Variants in TMEM50B observed in about 807,000 individuals in gnomAD.
TMEM50B encodes the protein transmembrane protein 50B, also known as HCV p7-trans-regulated protein 3.
TMEM50B carries 14 observed loss-of-function variants against 23.4 expected under a neutral mutation model. The ratio of observed to expected loss-of-function variants is 0.60; its 90% CI spans 0.39 to 0.93. The LOEUF (loss-of-function observed/expected upper bound fraction) is 0.93, where lower values mean the gene tolerates loss of function less well. Ranked by LOEUF, TMEM50B falls within the 40% of genes least tolerant of loss-of-function variation. The pLI is 0.00. For missense variants in TMEM50B, 159 were observed against 193.0 expected (o/e 0.82, Z 1.04); for synonymous variants, 64 against 62.3 (o/e 1.03, Z -0.13).
chr21:33,467,847 G>A (rs970958668), intron 2 of TMEM50B, among the ~76,000 whole-genome samples: 1 of 152,056 alleles, frequency 6.6e-6, no homozygotes, highest in African/African-American at 2.4e-5. Flanking sequence ...CATTGAAAGA[G>A]ATGAATTTTT....
chr21:33,441,797 T>C (rs2084010963), intron 7 of TMEM50B, among the ~76,000 whole-genome samples: 1 of 152,038 alleles, frequency 6.6e-6, no homozygotes, highest in South Asian at 2.1e-4. Context: ...GCCTGGCTAA[T>C]TTTTTGTATT....
intron 4 of TMEM50B, among the ~76,000 whole-genome samples, chr21:33,463,153 G>A (rs745490611): frequency 9.2e-5 from 14 of 152,030 alleles, no homozygotes; most frequent in East Asian, 1.9e-4. Context: ...CTAGCCAGGC[G>A]TGGTGGCAGG....
At chr21:33,445,918 AATAAATGGC>A, downstream of TMEM50B, among the ~76,000 whole-genome samples, 1 of 152,364 alleles carries the variant, frequency 6.6e-6, no homozygotes, top group Non-Finnish European at 1.5e-5. Context: ...TCAAATAGCT[AATAAATGGC>A]AGTGCCAGAA....
chr21:33,450,805 T>C lies in TMEM50B; in HGVS notation c.*13A>G, dbSNP rs1404816304. ...GAATATAACAAAAGGAAAATGTGACTTAAGAAGTGATCTCAGGTCCATAGC... is the reference window on the plus strand; with the variant it reads ...GAATATAACAAAAGGAAAATGTGACCTAAGAAGTGATCTCAGGTCCATAGC... On this transcript the variant is annotated 3_prime_UTR_variant, in exon 7 of 7. Transcript: ENST00000542230. 2 of 1,609,886 alleles carry C rather than the reference T, an allele frequency of 1.2e-6. No homozygotes were observed. The highest frequency in any genetic ancestry group is 2.2e-5 in the South Asian group (2 of 90,618).
intron 3 of TMEM50B, among the ~76,000 whole-genome samples, chr21:33,466,032 C>T (rs2471841): frequency 0.59 from 89,174 of 151,956 alleles, 28,225 homozygotes; most frequent in East Asian, 0.83. Context: ...GAGTCCACAG[C>T]AGGCAAATCA....
chr21:33,459,108 C>T (rs960261825), intron 5 of TMEM50B, among the ~76,000 whole-genome samples: 2 of 152,154 alleles, frequency 1.3e-5, no homozygotes, highest in Admixed American at 6.5e-5. Flanking sequence ...GAATAAATTG[C>T]GTTCTCTGAA....
chr21:33,434,311 C>G (rs2083921523), intron 8 of TMEM50B, among the ~76,000 whole-genome samples: 1 of 152,102 alleles, frequency 6.6e-6, no homozygotes. Flanking sequence ...CACCTGAGGT[C>G]AGGAGTTCGA....
chr21:33,452,321 A>G lies in TMEM50B; in HGVS notation c.432-1458T>C, dbSNP rs557209199. Among the ~76,000 whole-genome samples the G allele has an allele frequency of 2.0e-5, 3 of 152,326 alleles. No homozygotes were observed. The East Asian group carries it at 5.8e-4, about 29-fold the overall frequency. ...GAGAGTGGAGGGAGACCACATGGCTAGAGTTTGCCATGCAGCGTACAGACA... is the reference window on the plus strand; with the variant it reads ...GAGAGTGGAGGGAGACCACATGGCTGGAGTTTGCCATGCAGCGTACAGACA... On this transcript the variant is annotated intron_variant, in intron 6 of 6. Coordinates refer to ENST00000542230, the MANE Select transcript of TMEM50B (RefSeq NM_006134.7).
intron 1 of TMEM50B, among the ~76,000 whole-genome samples, chr21:33,476,998 A>T (rs144458459): frequency 4.3e-3 from 653 of 152,058 alleles, no homozygotes; most frequent in African/African-American, 0.011. Context: ...ACCATGCAAC[A>T]TTCTGAAAAT....
intron 8 of TMEM50B, chr21:33,437,250 G>A: frequency 2.6e-6 from 1 of 381,360 alleles, no homozygotes; most frequent in Non-Finnish European, 4.9e-6. Context: ...TTAGCAAAAT[G>A]GATATGACAC....
intron 7 of TMEM50B, among the ~76,000 whole-genome samples, chr21:33,442,750 G>A (rs1161497535): frequency 3.9e-5 from 6 of 152,030 alleles, no homozygotes; most frequent in South Asian, 4.2e-4. Context: ...GAGAAACCCC[G>A]TCTCTACTAA....
chr21:33,451,746 C>T (rs2084122660), intron 6 of TMEM50B, among the ~76,000 whole-genome samples: 1 of 152,082 alleles, frequency 6.6e-6, no homozygotes, highest in Non-Finnish European at 1.5e-5. Context: ...AAAGGGACAT[C>T]TGTGACTCAC....
downstream of TMEM50B, among the ~76,000 whole-genome samples, chr21:33,448,510 T>C (rs1601110775): frequency 6.6e-6 from 1 of 151,900 alleles, no homozygotes; most frequent in African/African-American, 2.4e-5. Flanking sequence ...ACATGGAGTC[T>C]TGCTCTGTTG....
In TMEM50B at chr21:33,468,100, T is replaced by C. The variant is rs142146468; in HGVS notation, c.99+687A>G. On this transcript the variant is annotated intron_variant, in intron 2 of 6. Coordinates refer to ENST00000542230, the MANE Select transcript of TMEM50B (RefSeq NM_006134.7). ...AAAAAAAAGTGCGGACAGAGAGTGG[T>C]TGATGGAATTATAAACCAAGATAGG... Among the ~76,000 whole-genome samples the C allele has an allele frequency of 3.9e-3, 573 of 146,726 alleles. 1 individual carries two copies. Among genetic ancestry groups the C allele is most frequent in the Admixed American group, 8.9e-3 (130 of 14,628 alleles).
chr21:33,453,810 ACATT>A, intron 6 of TMEM50B, among the ~76,000 whole-genome samples: 1 of 152,268 alleles, frequency 6.6e-6, no homozygotes, highest in African/African-American at 2.4e-5. Context: ...ACATTAAAAG[ACATT>A]CATTCTAGGC....
intron 7 of TMEM50B, among the ~76,000 whole-genome samples, chr21:33,440,340 C>A (rs528677765): frequency 6.6e-6 from 1 of 152,144 alleles, no homozygotes; most frequent in Non-Finnish European, 1.5e-5. Flanking sequence ...GTAATCCCAG[C>A]ACTTTGGGAG....
chr21:33,459,667 CAAA>C (rs34183635), intron 5 of TMEM50B, among the ~76,000 whole-genome samples: 2 of 124,026 alleles, frequency 1.6e-5, no homozygotes. Flanking sequence ...GACTCCGTCT[CAAA>C]AAAAAAAAAA....
chr21:33,468,808 T>A lies in TMEM50B; in HGVS notation c.78A>T (p.Ala26=), dbSNP rs144774691. ...IDWSERRNAV[A]SVVAGILFFT... Reference sequence around the variant, plus strand: ...TTACCAATATACCTGCGACAACAGATGCCACAGCATTTCTTCTCTCACTCC... The same window carrying A: ...TTACCAATATACCTGCGACAACAGAAGCCACAGCATTTCTTCTCTCACTCC... The change falls in exon 2 of 7, where the codon GCA becomes GCT. Residue 26 remains alanine, a synonymous_variant. Coordinates refer to ENST00000542230, the MANE Select transcript of TMEM50B (RefSeq NM_006134.7). 9.3e-5 allele frequency: 150 copies of A among 1,613,980 alleles called. No homozygotes were observed. Among genetic ancestry groups the A allele is most frequent in the Non-Finnish European group, 1.3e-4 (148 of 1,179,954 alleles).
chr21:33,448,777 C>G (rs1011396387), downstream of TMEM50B: 1 of 151,988 alleles, frequency 6.6e-6, no homozygotes, highest in African/African-American at 2.4e-5. Flanking sequence ...CATAATGACA[C>G]GTACCTGTGG....
Sources: gnomAD v4.1 joint callset for allele counts (sites outside exome capture counted in the v4.1 genomes callset) on GRCh38, gnomAD v4.1.1 for gene constraint, MANE v1.5 for transcripts, NCBI Gene and HGNC (gene_info 2026-07-23, HGNC 2026-07-21) for gene names.